Variants in DYRK1A observed in about 807,000 individuals in gnomAD.
DYRK1A encodes the protein dual specificity tyrosine-phosphorylation-regulated kinase 1A.
Under a neutral mutation model 79.7 loss-of-function variants are expected in DYRK1A, and 9 were observed. The ratio of observed to expected loss-of-function variants is 0.11; its 90% confidence interval spans 0.07 to 0.20. The LOEUF (loss-of-function observed/expected upper bound fraction) is 0.20, where lower values mean the gene tolerates loss of function less well. Among genes scored for constraint, DYRK1A ranks in the 10% least tolerant of loss-of-function variants. DYRK1A has a pLI of 1.00. For missense variants in DYRK1A, 622 were observed against 956.0 expected (o/e 0.65, Z 4.61); for synonymous variants, 349 against 329.7 (o/e 1.06, Z -0.63).
chr21:37,415,420 C>A (rs1317709334), intron 1 of DYRK1A: 1 of 152,064 alleles, frequency 6.6e-6, no homozygotes, highest in African/African-American at 2.4e-5. Flanking sequence ...GACTCATCTG[C>A]TATTGGTTTT....
At chr21:37,457,457 G>A (rs1449750495) in intron 2 of DYRK1A, among the ~76,000 whole-genome samples, 1 of 152,032 alleles carries the variant, frequency 6.6e-6, no homozygotes, top group African/African-American at 2.4e-5. Context: ...GTCTGGTCTC[G>A]AACTCCTCGC....
intron 2 of DYRK1A, among the ~76,000 whole-genome samples, chr21:37,433,415 T>C (rs1399180984): frequency 6.6e-6 from 1 of 152,180 alleles, no homozygotes; most frequent in Non-Finnish European, 1.5e-5. Flanking sequence ...TGAGTTAGGA[T>C]TGCTTTATCT....
chr21:37,396,309 G>A (rs2049959010), intron 1 of DYRK1A, among the ~76,000 whole-genome samples: 1 of 151,894 alleles, frequency 6.6e-6, no homozygotes, highest in East Asian at 1.9e-4. Flanking sequence ...TTCAAAATGA[G>A]TTATTTTTCT....
chr21:37,392,418 TG>T (rs1372573155), intron 1 of DYRK1A, among the ~76,000 whole-genome samples: 1 of 152,274 alleles, frequency 6.6e-6, no homozygotes, highest in Non-Finnish European at 1.5e-5. Context: ...AGGCATGTCT[TG>T]GTCTGTTTGT....
chr21:37,436,145 G>A (rs990467790), intron 2 of DYRK1A, among the ~76,000 whole-genome samples: 6 of 152,142 alleles, frequency 3.9e-5, no homozygotes, highest in Non-Finnish European at 8.8e-5. Flanking sequence ...TTTATGATAG[G>A]GACATGGGAA....
At chr21:37,440,167 ACT>A (rs1432872581) in intron 2 of DYRK1A, among the ~76,000 whole-genome samples, 2 of 28,194 alleles carry the variant, frequency 7.1e-5, no homozygotes, top group African/African-American at 1.8e-4. Context: ...ACGGAGTTTC[ACT>A]CTGTTTCCCA....
intron 2 of DYRK1A, among the ~76,000 whole-genome samples, chr21:37,445,968 C>T (rs1424565020): frequency 6.6e-6 from 1 of 152,108 alleles, no homozygotes; most frequent in Non-Finnish European, 1.5e-5. Context: ...GTGAGACCCT[C>T]ATCTGTATTT....
chr21:37,420,156 TTGAA>T (rs1569306743), intron 1 of DYRK1A, 139 bp from the exon 2 acceptor site: 1 of 364,522 alleles, frequency 2.7e-6, no homozygotes, highest in Non-Finnish European at 5.0e-6. Context: ...AAATTTAAGT[TTGAA>T]TGTTAGAAAA....
At chr21:37,423,660 G>A (rs1225358827) in intron 2 of DYRK1A, among the ~76,000 whole-genome samples, 1 of 151,990 alleles carries the variant, frequency 6.6e-6, no homozygotes, top group Non-Finnish European at 1.5e-5. Context: ...AAATAGAAGG[G>A]GCTGCCATTC....
At chr21:37,464,880 G>A (rs1189389898) in intron 2 of DYRK1A, among the ~76,000 whole-genome samples, 1 of 152,112 alleles carries the variant, frequency 6.6e-6, no homozygotes, top group Non-Finnish European at 1.5e-5. Flanking sequence ...GTAAAAACAT[G>A]GGTAATTTGC....
chr21:37,477,125 T>C (rs1347076479), intron 3 of DYRK1A, among the ~76,000 whole-genome samples: 1 of 152,172 alleles, frequency 6.6e-6, no homozygotes, highest in African/African-American at 2.4e-5. Context: ...AGGTTAACAA[T>C]TATACCATGA....
rs141455437 is a variant in DYRK1A, at chr21:37,397,770, C to G, written c.-76-22529C>G. 1.7e-3 allele frequency among the ~76,000 whole-genome samples: 255 copies of G among 152,158 alleles called. 3 individuals carry two copies. Among genetic ancestry groups the G allele is most frequent in the African/African-American group, 6.0e-3 (247 of 41,468 alleles). On this transcript the variant is annotated intron_variant, in intron 1 of 11. Coordinates refer to ENST00000647188, the MANE Select transcript of DYRK1A (RefSeq NM_001347721.2). ...TGAATCTGAATTTTTTAACAAGCCC[C>G]TCAGGGTGATTGTGATGCAGCTGTC...
intron 2 of DYRK1A, among the ~76,000 whole-genome samples, chr21:37,438,174 G>A (rs1038024292): frequency 6.6e-6 from 1 of 151,746 alleles, no homozygotes; most frequent in African/African-American, 2.4e-5. Flanking sequence ...TTCTTTTTTC[G>A]GTTATTGAGC....
chr21:37,507,090 T>C (rs189746965), intron 11 of DYRK1A, among the ~76,000 whole-genome samples: 3 of 152,338 alleles, frequency 2.0e-5, no homozygotes, highest in Admixed American at 2.0e-4. Flanking sequence ...TCTCTGTTCT[T>C]ACCCACTCTT....
chr21:37,474,166 G>C (rs1238825175), intron 3 of DYRK1A, among the ~76,000 whole-genome samples: 1 of 152,166 alleles, frequency 6.6e-6, no homozygotes, highest in Non-Finnish European at 1.5e-5. Flanking sequence ...TAGATACAGT[G>C]CTCTTTCAGG....
intron 2 of DYRK1A, among the ~76,000 whole-genome samples, chr21:37,455,018 CCTT>C (rs1344829719): frequency 1.6e-5 from 2 of 123,030 alleles, no homozygotes; most frequent in Non-Finnish European, 3.2e-5. Context: ...GGGGTGGTCA[CCTT>C]TTTTTTTTTT....
chr21:37,402,413 G>A (rs771178540), intron 1 of DYRK1A, among the ~76,000 whole-genome samples: 3 of 152,040 alleles, frequency 2.0e-5, no homozygotes, highest in Non-Finnish European at 4.4e-5. Flanking sequence ...TTGTCTTTTA[G>A]CACTTTAATG....
At chr21:37,479,775 C>A (rs1277634556) in intron 4 of DYRK1A, among the ~76,000 whole-genome samples, 1 of 151,492 alleles carries the variant, frequency 6.6e-6, no homozygotes, top group Admixed American at 6.6e-5. Context: ...CTACAGGTGC[C>A]CGCCACCATG....
chr21:37,369,186 A>G (rs765962024), intron 1 of DYRK1A, among the ~76,000 whole-genome samples: 1 of 152,168 alleles, frequency 6.6e-6, no homozygotes, highest in Non-Finnish European at 1.5e-5. Flanking sequence ...GTATTAATGA[A>G]TATATTTAGC....
Sources: allele counts gnomAD v4.1 joint callset (sites outside exome capture counted in the v4.1 genomes callset), GRCh38; gene constraint gnomAD v4.1.1; transcripts MANE v1.5; gene names NCBI Gene and HGNC (gene_info 2026-07-23, HGNC 2026-07-21).